Variants in CDK13 observed in about 807,000 individuals in gnomAD.
The protein encoded by CDK13 is cyclin dependent kinase 13.
CDK13 carries 40 observed loss-of-function variants against 137.6 expected under a neutral mutation model. The ratio of observed to expected loss-of-function variants is 0.29; its 90% CI spans 0.23 to 0.38. The LOEUF (loss-of-function observed/expected upper bound fraction) is 0.38. CDK13 is among the 10% of genes least tolerant of loss of function. The pLI is 1.00. For synonymous variants in CDK13, 869 were observed against 760.1 expected (o/e 1.14, Z -2.36); for missense variants, 1,704 against 1,951.8 (o/e 0.87, Z 2.39).
intron 5 of CDK13, among the ~76,000 whole-genome samples, chr7:40,010,857 G>T (rs1281065248): frequency 1.3e-5 from 2 of 152,124 alleles, no homozygotes; most frequent in African/African-American, 2.4e-5. Context: ...GAAATTGATT[G>T]TTCTGTATAC....
chr7:40,022,818 G>A (rs1785155528), intron 5 of CDK13, among the ~76,000 whole-genome samples: 1 of 151,492 alleles, frequency 6.6e-6, no homozygotes, highest in Non-Finnish European at 1.5e-5. Context: ...ACAGATTAAA[G>A]GTAGATCCAT....
chr7:40,042,203 C>T (rs373907619), intron 5 of CDK13, among the ~76,000 whole-genome samples: 19 of 152,020 alleles, frequency 1.2e-4, no homozygotes, highest in African/African-American at 4.1e-4. Context: ...GTCAGCCTCC[C>T]GAGTAGCTGG....
At chr7:40,063,396 G>A (rs945772639) in intron 9 of CDK13, among the ~76,000 whole-genome samples, 1 of 152,138 alleles carries the variant, frequency 6.6e-6, no homozygotes, top group Non-Finnish European at 1.5e-5. Flanking sequence ...GCAAGGAAGA[G>A]TAAATGTAGG....
intron 5 of CDK13, among the ~76,000 whole-genome samples, chr7:40,039,709 G>A (rs1785564264): frequency 1.3e-5 from 2 of 152,096 alleles, no homozygotes; most frequent in Non-Finnish European, 2.9e-5. Context: ...TGGGATTACA[G>A]GCGTGAGCCA....
intron 1 of CDK13, among the ~76,000 whole-genome samples, chr7:39,956,891 C>T (rs1787423643): frequency 6.6e-6 from 1 of 151,032 alleles, no homozygotes; most frequent in African/African-American, 2.4e-5. Context: ...ATGGCCAAGT[C>T]TAAACTTCCT....
At chr7:40,017,108 T>A (rs1360114938) in intron 5 of CDK13, among the ~76,000 whole-genome samples, 24 of 152,134 alleles carry the variant, frequency 1.6e-4, no homozygotes, top group Admixed American at 1.6e-3. Flanking sequence ...AAAATAGATA[T>A]TTTTATATGC....
At chr7:39,965,972 T>A (rs192627125) in intron 1 of CDK13, among the ~76,000 whole-genome samples, 7 of 152,338 alleles carry the variant, frequency 4.6e-5, no homozygotes, top group African/African-American at 9.6e-5. Flanking sequence ...TTGTAGAGTA[T>A]CTGCTGAGAG....
intron 5 of CDK13, among the ~76,000 whole-genome samples, chr7:40,016,927 G>C (rs1188282519): frequency 6.6e-6 from 1 of 151,946 alleles, no homozygotes; most frequent in African/African-American, 2.4e-5. Context: ...AGCATAAATG[G>C]ATAGAATGGG....
chr7:40,011,880 A>G (rs1248972201), intron 5 of CDK13, among the ~76,000 whole-genome samples: 1 of 152,224 alleles, frequency 6.6e-6, no homozygotes, highest in Non-Finnish European at 1.5e-5. Context: ...TGTATATTGT[A>G]TATCTTATAA....
chr7:40,075,289 C>T (rs1786521012), intron 9 of CDK13, among the ~76,000 whole-genome samples: 1 of 152,120 alleles, frequency 6.6e-6, no homozygotes. Flanking sequence ...CCACCAGGCA[C>T]AGATTTTGTA....
Position 39,951,638 on chromosome 7 carries a change from C to A in CDK13, c.997C>A (p.Gln333Lys), listed in dbSNP as rs1480119569. Reference protein sequence around the residue: ...DDSPVSHRASQSLRSRKSPSP... With the variant: ...DDSPVSHRASKSLRSRKSPSP... ...CAGCCCGGTGTCCCACAGGGCCTCT[C>A]AGAGCCTGAGGAGCCGCAAGTCCCC... The change falls in exon 1 of 14, where the codon CAG becomes AAG. Residue 333 changes from glutamine (Q) to lysine (K), a missense_variant. Physicochemically the swap from Gln to Lys is moderately conservative, Grantham distance 53 (BLOSUM62 1). Around this residue, in one of 5 missense-constraint regions of CDK13, gnomAD observed 1,051 missense variants for 931.0 expected, o/e 1.13. Coordinates refer to ENST00000181839, the MANE Select transcript of CDK13 (RefSeq NM_003718.5). 6.8e-7 allele frequency: 1 copy of A among 1,480,574 alleles called. No homozygotes were observed. Among genetic ancestry groups the A allele is most frequent in the Non-Finnish European group, 8.9e-7 (1 of 1,119,794 alleles). 91.7% of individuals were successfully genotyped at this position (1,480,574 alleles called of 1,614,324 possible). A position where few individuals can be genotyped will look rare whatever the true frequency, so the allele number is the denominator to read the frequency against.
At position 39,950,862 on chromosome 7, in the gene CDK13, C is replaced by A; in HGVS notation, c.221C>A (p.Ala74Asp). ...ACGGCCGCCGCCGCAGCCGCCGCCGCCGCGGCCTCCTCCTCTTGCTTCAGC... is the reference window on the plus strand; with the variant it reads ...ACGGCCGCCGCCGCAGCCGCCGCCGACGCGGCCTCCTCCTCTTGCTTCAGC... ...PGTAAAAAAA[A>D]AASSSCFSPG... The change falls in exon 1 of 14, where the codon GCC (alanine) becomes GAC (aspartate). Residue 74 changes from alanine (A) to aspartate (D), a missense_variant. This residue lies in a region of CDK13 where 1,051 missense variants were observed against 931.0 expected (regional missense o/e 1.13). Coordinates refer to ENST00000181839, the MANE Select transcript of CDK13 (RefSeq NM_003718.5). 2 of 1,370,542 alleles carry A rather than the reference C, an allele frequency of 1.5e-6. No homozygotes were observed. Among genetic ancestry groups the A allele is most frequent in the Non-Finnish European group, 1.9e-6 (2 of 1,073,136 alleles). 84.9% of individuals were successfully genotyped at this position (1,370,542 alleles called of 1,614,324 possible). A position where few individuals can be genotyped will look rare whatever the true frequency, so the allele number is the denominator to read the frequency against.
At chr7:40,034,050 C>A (rs545565107) in intron 5 of CDK13, among the ~76,000 whole-genome samples, 1 of 152,296 alleles carries the variant, frequency 6.6e-6, no homozygotes, top group Non-Finnish European at 1.5e-5. Flanking sequence ...GGGCATATTT[C>A]ATCATAACTA....
intron 1 of CDK13, chr7:39,952,647 C>T (rs943168749): frequency 6.6e-6 from 1 of 152,108 alleles, no homozygotes; most frequent in African/African-American, 2.4e-5. Flanking sequence ...CATTCTTATA[C>T]TATTATAAGC....
At chr7:40,070,345 G>A (rs1007515289) in intron 9 of CDK13, 1 of 145,024 alleles carries the variant, frequency 6.9e-6, no homozygotes, top group Non-Finnish European at 1.5e-5. Flanking sequence ...GGAGGTGGAG[G>A]TTGCAGTAAG....
intron 2 of CDK13, among the ~76,000 whole-genome samples, chr7:39,992,163 GGTGTGTGTGTGTGTGTGTGT>G (rs140203379): frequency 6.8e-6 from 1 of 146,310 alleles, no homozygotes; most frequent in African/African-American, 2.5e-5. Context: ...AACTAATGAG[GGTGTGTGTGTGTGTGTGTGT>G]GTGTGTGTGT....
At position 39,951,884 on chromosome 7, in the gene CDK13, T is replaced by C. The variant is rs760413765; in HGVS notation, c.1211+32T>C. The C allele has an allele frequency of 3.0e-6, 4 of 1,332,416 alleles. No homozygotes were observed. The African/African-American group carries it at 4.5e-5, about 15-fold the overall frequency. The allele number at this position is 1,332,416 out of a possible 1,614,324, so 82.5% of individuals were successfully genotyped here. A position where few individuals can be genotyped will look rare whatever the true frequency, so the allele number is the denominator to read the frequency against. Reference sequence around the variant, plus strand: ...TCTGCCGTTCTGCCTGTGTGTGCCTTGGCTGCGCTGGCCAGATCCCCAGGA... The same window carrying C: ...TCTGCCGTTCTGCCTGTGTGTGCCTCGGCTGCGCTGGCCAGATCCCCAGGA... On this transcript the variant is annotated intron_variant, in intron 1 of 13. Coordinates refer to ENST00000181839, the MANE Select transcript of CDK13 (RefSeq NM_003718.5).
intron 5 of CDK13, among the ~76,000 whole-genome samples, chr7:40,022,650 CTT>C (rs11336630): frequency 1.6e-4 from 23 of 141,144 alleles, no homozygotes; most frequent in East Asian, 4.1e-4. Context: ...GAGGAAGTAT[CTT>C]TTTTTTTTTT....
Position 40,092,840 on chromosome 7 carries a change from C to T in CDK13, c.3291C>T (p.Asn1097=), listed in dbSNP as rs755667901. The change falls in exon 13 of 14, where the codon AAC becomes AAT. Residue 1097 remains asparagine (N), a synonymous_variant. Transcript: ENST00000181839. Reference sequence around the variant, plus strand: ...ACAGTGAATTGGCAATTCTACTAAACCTACTACAATCTAAAACAAGTGTTA... The same window carrying T: ...ACAGTGAATTGGCAATTCTACTAAATCTACTACAATCTAAAACAAGTGTTA... ...LNHSELAILL[N]LLQSKTSVNM... 6 of 1,614,116 alleles carry T rather than the reference C, an allele frequency of 3.7e-6. No homozygotes were observed. Among genetic ancestry groups the T allele is most frequent in the Non-Finnish European group, 4.2e-6 (5 of 1,180,014 alleles).
Sources: gnomAD v4.1 joint callset for allele counts (sites outside exome capture counted in the v4.1 genomes callset) on GRCh38, gnomAD v4.1.1 for gene constraint, gnomAD v4.1.1 regional missense constraint, MANE v1.5 for transcripts, NCBI Gene and HGNC (gene_info 2026-07-23, HGNC 2026-07-21) for gene names.